The following TMEM135 variants were observed in gnomAD, a reference collection of about 807,000 sequenced individuals.
The protein encoded by TMEM135 is transmembrane protein 135, also known as peroxisomal membrane protein 52.
A neutral mutation model predicts 60.3 loss-of-function variants in TMEM135; 30 were observed. The observed-to-expected ratio is 0.50, with a 90% confidence interval of 0.37 to 0.68. The LOEUF is 0.68. Ranked by LOEUF, TMEM135 falls within the 30% of genes least tolerant of loss-of-function variation. The probability of loss-of-function intolerance (pLI) is 0.00; values close to 1 mark genes in which losing one functional copy is unlikely to be tolerated. For missense variants in TMEM135, 468 were observed against 548.8 expected (o/e 0.85, Z 1.47); for synonymous variants, 190 against 186.7 (o/e 1.02, Z -0.14).
At chr11:87,286,924 T>G (rs1190199777) in intron 6 of TMEM135, among the ~76,000 whole-genome samples, 1 of 152,260 alleles carries the variant, frequency 6.6e-6, no homozygotes, top group Non-Finnish European at 1.5e-5. Flanking sequence ...TTAATTAATT[T>G]TGTTCACATA....
At chr11:87,240,075 C>G (rs2135377781) in intron 6 of TMEM135, among the ~76,000 whole-genome samples, 1 of 152,126 alleles carries the variant, frequency 6.6e-6, no homozygotes, top group African/African-American at 2.4e-5. Flanking sequence ...CTTGGGCTGG[C>G]AAAAGGTACT....
intron 6 of TMEM135, 125 bp from the exon 7 acceptor site, chr11:87,295,657 T>G: frequency 1.4e-6 from 1 of 723,344 alleles, no homozygotes; most frequent in South Asian, 1.8e-5. Context: ...TTTTGACCAT[T>G]CATAATGTTC....
chr11:87,293,117 CAT>C (rs1190692886), intron 6 of TMEM135, among the ~76,000 whole-genome samples: 97 of 152,280 alleles, frequency 6.4e-4, no homozygotes, highest in African/African-American at 2.2e-3. Flanking sequence ...GCTTCCTCAC[CAT>C]CTTACCTATC....
intron 4 of TMEM135, among the ~76,000 whole-genome samples, chr11:87,091,939 T>G (rs1304140603): frequency 6.6e-6 from 1 of 152,152 alleles, no homozygotes; most frequent in African/African-American, 2.4e-5. Flanking sequence ...ATAATCAAGT[T>G]TATGTAAATT....
At chr11:87,138,700 T>C (rs1020495762) in intron 4 of TMEM135, among the ~76,000 whole-genome samples, 1 of 152,210 alleles carries the variant, frequency 6.6e-6, no homozygotes, top group Non-Finnish European at 1.5e-5. Flanking sequence ...TGATACATTG[T>C]GGCAGAAGAA....
At chr11:87,307,380 C>A (rs200585102) in intron 9 of TMEM135, among the ~76,000 whole-genome samples, 337 of 137,674 alleles carry the variant, frequency 2.4e-3, no homozygotes, top group Middle Eastern at 7.6e-3. Flanking sequence ...TTAAAGTGGC[C>A]AAAAAAAAAA....
At chr11:87,158,915 CT>C (rs1938784669) in intron 5 of TMEM135, among the ~76,000 whole-genome samples, 1 of 152,136 alleles carries the variant, frequency 6.6e-6, no homozygotes, top group African/African-American at 2.4e-5. Flanking sequence ...CCTATGATGT[CT>C]AAAAATGAAT....
intron 6 of TMEM135, among the ~76,000 whole-genome samples, chr11:87,287,383 A>C (rs1942185577): frequency 6.6e-6 from 1 of 152,244 alleles, no homozygotes; most frequent in Non-Finnish European, 1.5e-5. Context: ...ATACTTAATA[A>C]ATGTTTGTTT....
intron 5 of TMEM135, among the ~76,000 whole-genome samples, chr11:87,172,851 AT>A (rs982835712): frequency 4.6e-5 from 7 of 152,068 alleles, no homozygotes; most frequent in Non-Finnish European, 1.0e-4. Context: ...CATGAAGAAT[AT>A]TCGTGAATTA....
chr11:87,142,754 C>T (rs1402019408), intron 4 of TMEM135, among the ~76,000 whole-genome samples: 1 of 151,854 alleles, frequency 6.6e-6, no homozygotes, highest in East Asian at 1.9e-4. Context: ...CTCTTGTCCT[C>T]TTTTTTTCCC....
At chr11:87,174,448 A>G (rs1276922754) in intron 5 of TMEM135, among the ~76,000 whole-genome samples, 1 of 152,148 alleles carries the variant, frequency 6.6e-6, no homozygotes, top group Non-Finnish European at 1.5e-5. Flanking sequence ...TTCAAAGTGT[A>G]TACTTAGTAA....
At chr11:87,107,682 G>A (rs1028381655) in intron 4 of TMEM135, among the ~76,000 whole-genome samples, 1 of 152,110 alleles carries the variant, frequency 6.6e-6, no homozygotes, top group Non-Finnish European at 1.5e-5. Context: ...ATTTGGGTTG[G>A]TTCCAAGTCT....
chr11:87,054,928 A>T (rs1370534170), intron 1 of TMEM135, among the ~76,000 whole-genome samples: 2 of 152,120 alleles, frequency 1.3e-5, no homozygotes, highest in Non-Finnish European at 2.9e-5. Flanking sequence ...CTGAATCTTC[A>T]TTTCCTTTCA....
At chr11:87,178,637 G>GCTGGTT in intron 5 of TMEM135, 1 of 392,182 alleles carries the variant, frequency 2.5e-6, no homozygotes, top group Non-Finnish European at 5.1e-6. Context: ...TGTTGGCCAG[G>GCTGGTT]TAAGTCTTGA....
At chr11:87,275,402 T>G (rs1365616060) in intron 6 of TMEM135, among the ~76,000 whole-genome samples, 2 of 152,128 alleles carry the variant, frequency 1.3e-5, no homozygotes, top group Non-Finnish European at 2.9e-5. Flanking sequence ...GCTTATTGGT[T>G]GGGTGACCAT....
rs1303824371 is a variant in TMEM135 at position 87,240,855 on chromosome 11, A to G, written c.509+4171A>G. On this transcript the variant is annotated intron_variant, in intron 6 of 14. Transcript: ENST00000305494. ...CTTTCCACATCCCTTTGCAAAAGCA[A>G]CAACAAATCCAAGTTTATTTTAACA... Among the ~76,000 whole-genome samples, 3 of 151,464 alleles carry G rather than the reference A, an allele frequency of 2.0e-5. No individual in the cohort carries two copies. In the Admixed American group the frequency reaches 2.0e-4, roughly 10 times the overall value.
chr11:87,320,585 C>T (rs1255065856), intron 14 of TMEM135, among the ~76,000 whole-genome samples: 1 of 152,118 alleles, frequency 6.6e-6, no homozygotes, highest in Non-Finnish European at 1.5e-5. Context: ...AAGGTCTATC[C>T]TGTACATTAG....
chr11:87,068,471 G>A (rs1856708695), intron 2 of TMEM135, among the ~76,000 whole-genome samples: 1 of 152,032 alleles, frequency 6.6e-6, no homozygotes, highest in Admixed American at 6.5e-5. Flanking sequence ...CTTTCTGTTA[G>A]TGTTGAACAA....
intron 4 of TMEM135, among the ~76,000 whole-genome samples, chr11:87,127,411 G>A (rs570187989): frequency 2.7e-4 from 41 of 152,274 alleles, no homozygotes; most frequent in African/African-American, 9.4e-4. Flanking sequence ...AGGTTTTGTG[G>A]CACTGGCGTT....
Sources: gnomAD v4.1 joint callset for allele counts (sites outside exome capture counted in the v4.1 genomes callset) on GRCh38, gnomAD v4.1.1 for gene constraint, MANE v1.5 for transcripts, NCBI Gene and HGNC (gene_info 2026-07-23, HGNC 2026-07-21) for gene names.